PDCD6: variants seen among roughly 807,000 people sequenced by gnomAD.
PDCD6 encodes the protein programmed cell death protein 6.
In PDCD6, 12 loss-of-function variants were observed where a neutral mutation model predicts 28.3. The ratio of observed to expected loss-of-function variants is 0.42; its 90% CI spans 0.27 to 0.69. The LOEUF is 0.69. Ranked by LOEUF, PDCD6 falls within the 30% of genes least tolerant of loss-of-function variation. The pLI is 0.22. For missense variants in PDCD6, 226 were observed against 269.9 expected (o/e 0.84, Z 1.14); for synonymous variants, 92 against 108.0 (o/e 0.85, Z 0.92).
intron 2 of PDCD6, among the ~76,000 whole-genome samples, chr5:299,311 C>T (rs1579525233): frequency 9.9e-6 from 1 of 101,376 alleles, no homozygotes; most frequent in African/African-American, 4.4e-5. Context: ...CTACCTGGGG[C>T]ACCCGTTCCT....
At chr5:312,759 G>A (rs771503050) in intron 5 of PDCD6, among the ~76,000 whole-genome samples, 93 of 151,832 alleles carry the variant, frequency 6.1e-4, no homozygotes, top group Non-Finnish European at 1.1e-3. Context: ...TCAGTGAGCC[G>A]AGATCACACC....
In PDCD6 at chr5:275,388, G is replaced by A. The variant is rs144889366; in HGVS notation, c.163+2616G>A. On this transcript the variant is annotated intron_variant, in intron 2 of 5. Transcript: ENST00000264933. ...TGCTGCGGGGCAGCCCCAGGAAATG[G>A]CCACCCCATTTCTCCTGGAGCTGCG... 6.2e-3 allele frequency among the ~76,000 whole-genome samples: 942 copies of A among 152,348 alleles called. 13 individuals carry two copies. Among genetic ancestry groups the A allele is most frequent in the African/African-American group, 0.022 (925 of 41,568 alleles).
chr5:289,517 A>G, intron 2 of PDCD6: 1 of 728,894 alleles, frequency 1.4e-6, no homozygotes, highest in Non-Finnish European at 2.5e-6. Flanking sequence ...ACCATAACCG[A>G]AGAAATTTCG....
intron 2 of PDCD6, chr5:289,292 A>G (rs1257444911): frequency 1.9e-6 from 1 of 534,332 alleles, no homozygotes; most frequent in Non-Finnish European, 3.4e-6. Flanking sequence ...AGGTGGGAGA[A>G]AAGCCCAATG....
chr5:296,062 C>T (rs1028298310), intron 2 of PDCD6, among the ~76,000 whole-genome samples: 1 of 152,132 alleles, frequency 6.6e-6, no homozygotes, highest in African/African-American at 2.4e-5. Flanking sequence ...TCTCTTCCTT[C>T]ACACTACCTG....
At chr5:275,863 A>G in intron 2 of PDCD6, 1 of 398,798 alleles carries the variant, frequency 2.5e-6, no homozygotes, top group Non-Finnish European at 4.9e-6. Flanking sequence ...ACATGTGAGC[A>G]TTCACCGTGG....
In PDCD6 at chr5:271,718, C is replaced by T. The variant is rs763511135; in HGVS notation, c.-3C>T. ...GCCTCAGCCCAGCCGCGTGCCTTGG[C>T]CCATGGCCGCCTACTCTTACCGCCC... is the stretch of plus-strand genomic sequence containing the variant. On this transcript the variant is annotated 5_prime_UTR_variant, in exon 1 of 6. Transcript: ENST00000264933. The T allele has an allele frequency of 6.5e-7, 1 of 1,529,412 alleles. No homozygotes were observed. The highest frequency in any genetic ancestry group is 8.8e-7 in the Non-Finnish European group (1 of 1,139,058). 94.7% of individuals were successfully genotyped at this position (1,529,412 alleles called of 1,614,324 possible).
At chr5:273,061 C>T (rs1393037722) in intron 2 of PDCD6, 1 of 426,180 alleles carries the variant, frequency 2.3e-6, no homozygotes, top group Non-Finnish European at 4.3e-6. Flanking sequence ...GGAAGCTTAG[C>T]TCTGTACAGC....
At position 305,242 on chromosome 5, in the gene PDCD6, GA is replaced by G. The variant is rs1272286076; in HGVS notation, c.208+1022del. On this transcript the variant is annotated intron_variant, in intron 3 of 5. Transcript: ENST00000264933. The surrounding 1 kb of genome is among the most constrained non-coding windows in gnomAD (Gnocchi z 4.0). ...CCCAGGTTCAGTTCTGCCTCACAGG[GA>G]CCATGGCATTGTGTCTCGAGGTTTC... 1.3e-5 allele frequency: 2 copies of G among 152,150 alleles called. No individual in the cohort carries two copies. Among genetic ancestry groups the G allele is most frequent in the African/African-American group, 4.8e-5 (2 of 41,354 alleles). 9.4% of individuals were successfully genotyped at this position (152,150 alleles called of 1,614,324 possible). A position where few individuals can be genotyped will look rare whatever the true frequency, so the allele number is the denominator to read the frequency against.
In PDCD6 at chr5:302,107, T is replaced by TGTGTGTGTGTGTGTGTGC. The variant is rs113802406; in HGVS notation, c.164-2069_164-2068insTGTGTGTGTGTGTGTGCG. On this transcript the variant is annotated intron_variant, in intron 2 of 5. Coordinates refer to ENST00000264933, the MANE Select transcript of PDCD6 (RefSeq NM_013232.4). Reference sequence around the variant, plus strand: ...GTGTGTGTGTGTGTGTGTGTGTGTGTGCCTTGGGTTCAGGTGCACCTGCCT... The same window carrying TGTGTGTGTGTGTGTGTGC: ...GTGTGTGTGTGTGTGTGTGTGTGTGTGTGTGTGTGTGTGTGTGCGCCTTGGGTTCAGGTGCACCTGCCT... Among the ~76,000 whole-genome samples, 109 of 111,682 alleles carry TGTGTGTGTGTGTGTGTGC rather than the reference T, an allele frequency of 9.8e-4. 6 individuals carry two copies. The highest frequency in any genetic ancestry group is 1.4e-3 in the Non-Finnish European group (77 of 56,338). 73.3% of individuals were successfully genotyped at this position (111,682 alleles called of 152,430 possible).
chr5:271,930 C>T (rs1456844470), intron 1 of PDCD6, 109 bp downstream of exon 1: 3 of 426,966 alleles, frequency 7.0e-6, no homozygotes, highest in East Asian at 3.5e-5. Context: ...CTGCGGCCTC[C>T]TCCGTCCCCT....
chr5:289,149 A>G (rs2126716999), intron 2 of PDCD6: 1 of 1,077,312 alleles, frequency 9.3e-7, no homozygotes, highest in South Asian at 1.5e-5. Context: ...TGATGTCATA[A>G]AAGACTCTAA....
At chr5:286,613 G>A (rs55833259) in intron 2 of PDCD6, among the ~76,000 whole-genome samples, 19,846 of 151,780 alleles carry the variant, frequency 0.13, 1,369 homozygotes, top group Admixed American at 0.17. Context: ...AGCCTGCGGG[G>A]ATCTGATGTT....
chr5:311,331 C>G lies in PDCD6; in HGVS notation c.406C>G (p.Arg136Gly). Reference protein sequence around the residue: ...LSDQFHDILIRKFDRQGRGQI... With the variant: ...LSDQFHDILIGKFDRQGRGQI... ...TGACCAGTTCCACGACATCCTCATT[C>G]GAAAGTTTGACAGGCAGGGACGGGG... The change falls in exon 5 of 6, where the codon CGA (arginine) becomes GGA (glycine). Residue 136 changes from arginine (R) to glycine (G), a missense_variant. Arg to Gly is a moderately radical substitution (Grantham distance 125, BLOSUM62 -2). Around this residue, in one of 3 missense-constraint regions of PDCD6, gnomAD observed 151 missense variants for 177.2 expected, o/e 0.85. Transcript: ENST00000264933. 6.2e-7 allele frequency: 1 copy of G among 1,614,088 alleles called. No homozygotes were observed. The highest frequency in any genetic ancestry group is 8.5e-7 in the Non-Finnish European group (1 of 1,180,000).
At chr5:299,246 C>A (rs1275706545) in intron 2 of PDCD6, among the ~76,000 whole-genome samples, 2 of 83,788 alleles carry the variant, frequency 2.4e-5, no homozygotes, top group African/African-American at 5.8e-5. Context: ...GCTGCTCCCC[C>A]CCAGCTGTTC....
chr5:275,989 T>G (rs555059242), intron 2 of PDCD6: 57 of 1,286,812 alleles, frequency 4.4e-5, no homozygotes, highest in East Asian at 2.8e-4. Flanking sequence ...GCTCTAAGCT[T>G]CTTCTGCCTT....
chr5:298,104 A>G (rs1427050762), intron 2 of PDCD6, among the ~76,000 whole-genome samples: 1 of 152,200 alleles, frequency 6.6e-6, no homozygotes, highest in African/African-American at 2.4e-5. Flanking sequence ...ATTTCCAGGC[A>G]CACAGAACTG....
chr5:301,451 G>A (rs1740041263), intron 2 of PDCD6, among the ~76,000 whole-genome samples: 1 of 152,214 alleles, frequency 6.6e-6, no homozygotes, highest in South Asian at 2.1e-4. Flanking sequence ...TGTAACACTA[G>A]TTTTCAGTAA....
chr5:284,172 G>A (rs1738774419), intron 2 of PDCD6, among the ~76,000 whole-genome samples: 1 of 151,550 alleles, frequency 6.6e-6, no homozygotes, highest in South Asian at 2.1e-4. Flanking sequence ...CTGGAGAGGA[G>A]CTGATGTAGT....
Sources: allele counts gnomAD v4.1 joint callset (sites outside exome capture counted in the v4.1 genomes callset), GRCh38; gene constraint gnomAD v4.1.1; regional missense constraint gnomAD v4.1.1; non-coding constraint Gnocchi (gnomAD v3.1); transcripts MANE v1.5; gene names NCBI Gene and HGNC (gene_info 2026-07-23, HGNC 2026-07-21).